YWHAB: variants seen among roughly 807,000 people sequenced by gnomAD.
The protein encoded by YWHAB is 14-3-3 protein beta/alpha.
YWHAB carries 2 observed loss-of-function variants against 28.5 expected under a neutral mutation model. That is an observed-to-expected ratio of 0.07 (90% confidence interval 0.03 to 0.22). YWHAB has a LOEUF of 0.22. YWHAB is among the 10% of genes least tolerant of loss of function. YWHAB has a pLI of 1.00. For synonymous variants in YWHAB, 103 were observed against 104.7 expected, an observed-to-expected ratio of 0.98 and a Z score of 0.10; for missense variants, 148 against 297.1, an observed-to-expected ratio of 0.50 and a Z score of 3.69.
In YWHAB at chr20:44,890,747, G is replaced by A. The variant is rs535399958; in HGVS notation, c.-4+4861G>A. ...GCTGGTCTTGAACTCCTGACCTTGC[G>A]ATCCACCTGCCTCGGCCTCCCAAAG... On this transcript the variant is annotated intron_variant, in intron 1 of 5. Coordinates refer to ENST00000353703, the MANE Select transcript of YWHAB (RefSeq NM_139323.4). Among the ~76,000 whole-genome samples, 523 of 152,092 alleles carry A rather than the reference G, an allele frequency of 3.4e-3. 4 individuals are homozygous for A. The highest frequency in any genetic ancestry group is 0.012 in the African/African-American group (500 of 41,496).
intron 2 of YWHAB, chr20:44,902,718 A>G (rs751369329): frequency 6.6e-6 from 1 of 152,224 alleles, no homozygotes; most frequent in Non-Finnish European, 1.5e-5. Context: ...TACAAAGAAT[A>G]TTAAAACGAC....
chr20:44,888,521 ATAT>A (rs766038432), intron 1 of YWHAB, among the ~76,000 whole-genome samples: 1 of 152,210 alleles, frequency 6.6e-6, no homozygotes, highest in South Asian at 2.1e-4. Flanking sequence ...CTGAGGAATG[ATAT>A]TATAGATTTC....
At chr20:44,891,848 GT>G (rs1242521329) in intron 1 of YWHAB, among the ~76,000 whole-genome samples, 3 of 152,158 alleles carry the variant, frequency 2.0e-5, no homozygotes, top group Non-Finnish European at 4.4e-5. Flanking sequence ...GCTGTGTTTT[GT>G]TTCCTAACAA....
At chr20:44,893,793 G>T (rs2066578403) in intron 1 of YWHAB, among the ~76,000 whole-genome samples, 1 of 147,856 alleles carries the variant, frequency 6.8e-6, no homozygotes, top group Non-Finnish European at 1.5e-5. Context: ...CCACCTCCTG[G>T]GTTCAAGTGA....
intron 1 of YWHAB, among the ~76,000 whole-genome samples, chr20:44,897,965 A>C (rs2066605368): frequency 6.6e-6 from 1 of 152,138 alleles, no homozygotes; most frequent in African/African-American, 2.4e-5. Context: ...GCATGACTGT[A>C]CCACCTAGAA....
At chr20:44,900,077 C>T (rs952242762) in intron 1 of YWHAB, among the ~76,000 whole-genome samples, 1 of 151,378 alleles carries the variant, frequency 6.6e-6, no homozygotes, top group Non-Finnish European at 1.5e-5. Flanking sequence ...AGACAGGGGT[C>T]TCAGTTGGTT....
At chr20:44,890,778 G>T (rs1335431738) in intron 1 of YWHAB, among the ~76,000 whole-genome samples, 1 of 152,056 alleles carries the variant, frequency 6.6e-6, no homozygotes, top group Non-Finnish European at 1.5e-5. Flanking sequence ...CAAAGTGCTG[G>T]GATTACAGGC....
intron 4 of YWHAB, 130 bp from the exon 5 acceptor site, chr20:44,905,871 G>C (rs1438160864): frequency 6.0e-6 from 4 of 669,614 alleles, no homozygotes; most frequent in Non-Finnish European, 7.9e-6. Context: ...AACAGACAGG[G>C]TAATAATAGC....
intron 1 of YWHAB, chr20:44,887,546 G>A (rs907143422): frequency 1.3e-5 from 2 of 152,200 alleles, no homozygotes; most frequent in Non-Finnish European, 2.9e-5. Context: ...ATCTTGCAGT[G>A]CTTGTTATAT....
intron 2 of YWHAB, 96 bp from the exon 3 acceptor site, chr20:44,903,897 A>C: frequency 7.0e-7 from 1 of 1,420,534 alleles, no homozygotes; most frequent in Non-Finnish European, 9.5e-7. Flanking sequence ...ATCTTCCAAA[A>C]AATTATTTAG....
chr20:44,892,735 C>G (rs2066570135), intron 1 of YWHAB, among the ~76,000 whole-genome samples: 1 of 152,132 alleles, frequency 6.6e-6, no homozygotes, highest in Non-Finnish European at 1.5e-5. Flanking sequence ...CTATTAATGT[C>G]TCTTTTTAAC....
chr20:44,905,848 G>C, intron 4 of YWHAB, 153 bp from the exon 5 acceptor site: 2 of 605,432 alleles, frequency 3.3e-6, no homozygotes, highest in Non-Finnish European at 5.9e-6. Context: ...TTATACTTCT[G>C]CTGGAAACAG....
At chr20:44,889,462 CTT>C (rs11398883) in intron 1 of YWHAB, among the ~76,000 whole-genome samples, 4 of 144,912 alleles carry the variant, frequency 2.8e-5, no homozygotes, top group Non-Finnish European at 1.5e-5. Context: ...GGTTAGTTAA[CTT>C]TTTTTTTTTT....
intron 1 of YWHAB, among the ~76,000 whole-genome samples, chr20:44,900,356 T>A (rs1018969596): frequency 6.6e-6 from 1 of 152,200 alleles, no homozygotes; most frequent in Non-Finnish European, 1.5e-5. Flanking sequence ...AGACCGAAGC[T>A]CTCAGGTTAA....
intron 3 of YWHAB, 125 bp downstream of exon 3, chr20:44,904,241 G>T: frequency 2.1e-5 from 27 of 1,265,464 alleles, no homozygotes; most frequent in Non-Finnish European, 2.7e-5. Context: ...GAATTTAAAA[G>T]ACCACAGCAT....
intron 1 of YWHAB, among the ~76,000 whole-genome samples, chr20:44,894,866 C>T (rs979808271): frequency 6.6e-6 from 1 of 152,248 alleles, no homozygotes; most frequent in South Asian, 2.1e-4. Context: ...TGCCTTCCGA[C>T]TATACTACAT....
At chr20:44,891,335 A>G (rs2066560732) in intron 1 of YWHAB, among the ~76,000 whole-genome samples, 1 of 151,900 alleles carries the variant, frequency 6.6e-6, no homozygotes. Context: ...TGAACTCCTG[A>G]CCTCAAGTGA....
chr20:44,899,771 A>C (rs998552647), intron 1 of YWHAB, among the ~76,000 whole-genome samples: 1 of 152,238 alleles, frequency 6.6e-6, no homozygotes, highest in South Asian at 2.1e-4. Context: ...ACTGATTGGC[A>C]TATGGATTTG....
chr20:44,899,079 T>A (rs2066612174), intron 1 of YWHAB, among the ~76,000 whole-genome samples: 1 of 152,174 alleles, frequency 6.6e-6, no homozygotes, highest in Admixed American at 6.5e-5. Context: ...GTCACTGAAC[T>A]CCAGCCTGGG....
Sources: allele counts gnomAD v4.1 joint callset (sites outside exome capture counted in the v4.1 genomes callset), GRCh38; gene constraint gnomAD v4.1.1; transcripts MANE v1.5; gene names NCBI Gene and HGNC (gene_info 2026-07-23, HGNC 2026-07-21).